Variants in PROZ observed in about 807,000 individuals in gnomAD.
The protein encoded by PROZ is protein Z, vitamin K dependent plasma glycoprotein.
PROZ carries 46 observed loss-of-function variants against 34.9 expected under a neutral mutation model. The ratio of observed to expected loss-of-function variants is 1.32; its 90% CI spans 1.04 to 1.69. The LOEUF (loss-of-function observed/expected upper bound fraction) is 1.69, where lower values mean the gene tolerates loss of function less well. Ranked by LOEUF, PROZ falls within the 40% of genes most tolerant of loss-of-function variation. PROZ has a pLI of 0.00. For missense variants in PROZ, 530 were observed against 520.4 expected (o/e 1.02, Z -0.18); for synonymous variants, 195 against 208.5 (o/e 0.94, Z 0.56).
chr13:113,165,081 T>G lies in PROZ; in HGVS notation c.534T>G (p.Ser178=). 1 of 1,613,056 alleles carries G rather than the reference T, an allele frequency of 6.2e-7. No homozygotes were observed. The highest frequency in any genetic ancestry group is 1.3e-5 in the African/African-American group (1 of 75,032). Residue 178 remains serine (S), a synonymous_variant, in exon 6 of 8, where the codon TCT becomes TCG. Transcript: ENST00000375547. ...AGTGTGCCTGCGGGGTGCTGACCTC[T>G]GAGAAGCGTGCACCGGATCTACAGG... ...HDQCACGVLT[S]EKRAPDLQDL...
At position 113,172,120 on chromosome 13, in the gene PROZ, G is replaced by A. The variant is rs771464671; in HGVS notation, c.*15G>A. The A allele has an allele frequency of 1.2e-6, 2 of 1,611,740 alleles. No individual in the cohort carries two copies. On this transcript the variant is annotated 3_prime_UTR_variant, in exon 8 of 8. Coordinates refer to ENST00000375547, the MANE Select transcript of PROZ (RefSeq NM_003891.3). The stretch of plus-strand genomic sequence containing the variant: ...TCATGAACTAACTGAAACTCAGCTA[G>A]CCAGAATGAACAACACAACCGGAAG...
intron 4 of PROZ, among the ~76,000 whole-genome samples, chr13:113,164,162 T>C (rs2036844067): frequency 6.6e-6 from 1 of 151,940 alleles, no homozygotes; most frequent in Non-Finnish European, 1.5e-5. Flanking sequence ...GTATTTTTAG[T>C]AGAGATGGGG....
Position 113,159,725 on chromosome 13 carries a change from C to T in PROZ, c.71-289C>T, listed in dbSNP as rs1211995727. ...CCTTCCTTCGCACTCAGACCCAAAA[C>T]CCAGTTGGAGCCCTCCCTCCTCCAC... On this transcript the variant is annotated intron_variant, in intron 1 of 7. Transcript: ENST00000375547. This position sits in a 1 kb window ranked among gnomAD's most constrained non-coding sequence, Gnocchi z 4.6. Among the ~76,000 whole-genome samples the T allele has an allele frequency of 6.6e-6, 1 of 152,252 alleles. No homozygotes were observed.
At chr13:113,170,358 C>T in intron 6 of PROZ, 55 bp from the exon 7 acceptor site, 1 of 1,092,562 alleles carries the variant, frequency 9.2e-7, no homozygotes, top group Non-Finnish European at 1.4e-6. Flanking sequence ...GACTTTACTG[C>T]CCCTAATCCT....
chr13:113,170,000 A>G (rs3024764), intron 6 of PROZ, among the ~76,000 whole-genome samples: 32,606 of 152,166 alleles, frequency 0.21, 4,182 homozygotes, highest in East Asian at 0.55. Context: ...GGGAGTCAGC[A>G]GGGCTCCAAC....
At chr13:113,164,910 C>G (rs1427001225) in intron 5 of PROZ, 143 bp from the exon 6 acceptor site, 2 of 969,952 alleles carry the variant, frequency 2.1e-6, no homozygotes, top group Admixed American at 2.0e-5. Context: ...CTGTGAATTA[C>G]TGCACATTCA....
chr13:113,161,085 A>G, intron 3 of PROZ, 113 bp downstream of exon 3: 1 of 961,366 alleles, frequency 1.0e-6, no homozygotes, highest in Non-Finnish European at 1.7e-6. Flanking sequence ...CTCTGGCTCC[A>G]GGACCCACGG....
chr13:113,163,036 G>A lies in PROZ; in HGVS notation c.287G>A (p.Cys96Tyr). ...GGCTCCCCGTGCATCTCCCAGCCCT[G>A]CCTCCACAACGGCTCTTGCCAGGAC... ...KGGSPCISQP[C>Y]LHNGSCQDSI... Residue 96 changes from cysteine to tyrosine, a missense_variant, in exon 4 of 8, where the codon TGC (cysteine) becomes TAC (tyrosine). Transcript: ENST00000375547. 1.3e-6 allele frequency: 2 copies of A among 1,554,554 alleles called. No homozygotes were observed. The highest frequency in any genetic ancestry group is 1.7e-6 in the Non-Finnish European group (2 of 1,149,240).
Position 113,164,585 on chromosome 13 carries a change from C to G in PROZ, c.446C>G (p.Thr149Arg), listed in dbSNP as rs768784997. Residue 149 changes from threonine (T) to arginine (R), a missense_variant, in exon 5 of 8, where the codon ACA becomes AGA. Coordinates refer to ENST00000375547, the MANE Select transcript of PROZ (RefSeq NM_003891.3). ...TGCCTCCCAGGACAGGAATCCTACA[C>G]ATGCAGCTGTGCTCAGGGCTACAGG... is the stretch of plus-strand genomic sequence containing the variant. ...HFCLPGQESY[T>R]CSCAQGYRLG... The G allele has an allele frequency of 6.2e-7, 1 of 1,613,822 alleles. No individual in the cohort carries two copies. Among genetic ancestry groups the G allele is most frequent in the Admixed American group, 1.7e-5 (1 of 59,998 alleles).
At chr13:113,160,832 T>C in intron 2 of PROZ, 116 bp from the exon 3 acceptor site, 1 of 890,282 alleles carries the variant, frequency 1.1e-6, no homozygotes, top group Non-Finnish European at 1.8e-6. Flanking sequence ...TTTCAACCAC[T>C]ATTGTCCTAT....
chr13:113,171,541 A>T lies in PROZ; in HGVS notation c.692-53A>T. 1 of 1,611,752 alleles carries T rather than the reference A, an allele frequency of 6.2e-7. No homozygotes were observed. The highest frequency in any genetic ancestry group is 8.5e-7 in the Non-Finnish European group (1 of 1,179,222). On this transcript the variant is annotated intron_variant, in intron 7 of 7. Coordinates refer to ENST00000375547, the MANE Select transcript of PROZ (RefSeq NM_003891.3). This position sits in a 1 kb window ranked among gnomAD's most constrained non-coding sequence, Gnocchi z 5.1. The stretch of plus-strand genomic sequence containing the variant: ...TCCCTGAGAAGCTCGTTTGAGCATT[A>T]TGTCCCCTTGAAAATCAGACTGTAA...
At chr13:113,165,199 G>A (rs3024735) in intron 6 of PROZ, 79 bp downstream of exon 6, 324,835 of 1,441,546 alleles carry the variant, frequency 0.23, 42,105 homozygotes, top group East Asian at 0.51. Flanking sequence ...TAGAAATGTT[G>A]ACAACTAAGT....
rs577792926 is a variant in PROZ at position 113,165,692 on chromosome 13, G to A, written c.573+572G>A. On this transcript the variant is annotated intron_variant, in intron 6 of 7. Coordinates refer to ENST00000375547, the MANE Select transcript of PROZ (RefSeq NM_003891.3). ...ATTACAGGAATGTGCCACCACGCCC[G>A]GCTGATTTTTATATTTTTAGTAGAG... is the stretch of plus-strand genomic sequence containing the variant. 4.6e-5 allele frequency among the ~76,000 whole-genome samples: 7 copies of A among 152,206 alleles called. No individual in the cohort carries two copies. The South Asian group carries it at 8.3e-4, about 18-fold the overall frequency.
Position 113,158,800 on chromosome 13 carries a change from G to A in PROZ, c.70+70G>A, listed in dbSNP as rs2036707945. On this transcript the variant is annotated intron_variant, in intron 1 of 7. Coordinates refer to ENST00000375547, the MANE Select transcript of PROZ (RefSeq NM_003891.3). The surrounding 1 kb of genome is among the most constrained non-coding windows in gnomAD (Gnocchi z 4.3). ...TCTTGACTCGGTCCATGGTGGATTT[G>A]TAGATGAGGCTTTTTCCAGGAGCCA... The A allele has an allele frequency of 2.7e-6, 4 of 1,462,760 alleles. No homozygotes were observed. The highest frequency in any genetic ancestry group is 1.9e-6 in the Non-Finnish European group (2 of 1,070,476). The allele number at this position is 1,462,760 out of a possible 1,614,324, so 90.6% of individuals were successfully genotyped here. A position where few individuals can be genotyped will look rare whatever the true frequency, so the allele number is the denominator to read the frequency against.
rs141217364 is a variant in PROZ, at chr13:113,162,770, C to T, written c.260-239C>T. ...AGGTCCCCGTCCCTGCCACGTCCCCCCATCCTCCTCCTGCTCAGGTCCCCG... is the reference window on the plus strand; with the variant it reads ...AGGTCCCCGTCCCTGCCACGTCCCCTCATCCTCCTCCTGCTCAGGTCCCCG... On this transcript the variant is annotated intron_variant, in intron 3 of 7. Transcript: ENST00000375547. 2.4e-3 allele frequency among the ~76,000 whole-genome samples: 132 copies of T among 55,134 alleles called. 11 individuals carry two copies. Among genetic ancestry groups the T allele is most frequent in the Middle Eastern group, 0.012 (1 of 84 alleles). The allele number at this position is 55,134 out of a possible 152,430, so 36.2% of individuals were successfully genotyped here.
rs1419658248 is a variant in PROZ, at chr13:113,158,982, C to T, written c.70+252C>T. On this transcript the variant is annotated intron_variant, in intron 1 of 7. Coordinates refer to ENST00000375547, the MANE Select transcript of PROZ (RefSeq NM_003891.3). The surrounding 1 kb of genome is among the most constrained non-coding windows in gnomAD (Gnocchi z 4.3). ...GAAGCCTGTGTGCAGGGGATTCAGC[C>T]GGGAAAGGCCGGGGAGAGGGGAGGG... 1.7e-5 allele frequency among the ~76,000 whole-genome samples: 2 copies of T among 119,334 alleles called. No individual in the cohort carries two copies. Among genetic ancestry groups the T allele is most frequent in the African/African-American group, 3.2e-5 (1 of 31,644 alleles). 78.3% of individuals were successfully genotyped at this position (119,334 alleles called of 152,430 possible).
rs1222230397 is a variant in PROZ at position 113,171,914 on chromosome 13, A to G, written c.1012A>G (p.Arg338Gly). 3 of 1,613,668 alleles carry G rather than the reference A, an allele frequency of 1.9e-6. No individual in the cohort carries two copies. The highest frequency in any genetic ancestry group is 2.5e-6 in the Non-Finnish European group (3 of 1,180,044). The change falls in exon 8 of 8, where the codon AGG (arginine) becomes GGG (glycine). Residue 338 changes from arginine to glycine, a missense_variant. Physicochemically the swap from Arg to Gly is moderately radical, Grantham distance 125 (BLOSUM62 -2). Coordinates refer to ENST00000375547, the MANE Select transcript of PROZ (RefSeq NM_003891.3). This position sits in a 1 kb window ranked among gnomAD's most constrained non-coding sequence, Gnocchi z 5.1. Reference protein sequence around the residue: ...GQVLNVTVTTRTYCERSSVAA... With the variant: ...GQVLNVTVTTGTYCERSSVAA... ...GGTCCTGAATGTGACTGTCACCACC[A>G]GGACCTACTGTGAGAGAAGCAGCGT... is the stretch of plus-strand genomic sequence containing the variant.
chr13:113,169,938 A>G (rs1297617330), intron 6 of PROZ, among the ~76,000 whole-genome samples: 1 of 152,172 alleles, frequency 6.6e-6, no homozygotes, highest in Non-Finnish European at 1.5e-5. Context: ...CTGTTCTGCA[A>G]ACTCCAGCCA....
rs574275474 is a variant in PROZ at position 113,158,786 on chromosome 13, T to C, written c.70+56T>C. 3 of 1,512,028 alleles carry C rather than the reference T, an allele frequency of 2.0e-6. No homozygotes were observed. In the African/African-American group the frequency reaches 4.1e-5, roughly 21 times the overall value. The allele number at this position is 1,512,028 out of a possible 1,614,324, so 93.7% of individuals were successfully genotyped here. On this transcript the variant is annotated intron_variant, in intron 1 of 7. Coordinates refer to ENST00000375547, the MANE Select transcript of PROZ (RefSeq NM_003891.3). This position sits in a 1 kb window ranked among gnomAD's most constrained non-coding sequence, Gnocchi z 4.3. The stretch of plus-strand genomic sequence containing the variant: ...CTGTGCTGTGTCTTTCTTGACTCGG[T>C]CCATGGTGGATTTGTAGATGAGGCT...
Sources: gnomAD v4.1 joint callset for allele counts (sites outside exome capture counted in the v4.1 genomes callset) on GRCh38, gnomAD v4.1.1 for gene constraint, Gnocchi (gnomAD v3.1) non-coding constraint, MANE v1.5 for transcripts, NCBI Gene and HGNC (gene_info 2026-07-23, HGNC 2026-07-21) for gene names.